The following TAMM41 variants were observed in gnomAD, a reference collection of about 807,000 sequenced individuals.
TAMM41 encodes the protein TAM41 mitochondrial translocator assembly and maintenance homolog, also known as phosphatidate cytidylyltransferase, mitochondrial.
TAMM41 carries 36 observed loss-of-function variants against 44.1 expected under a neutral mutation model. That is an observed-to-expected ratio of 0.82 (90% CI 0.63 to 1.08). The LOEUF is 1.08. Among genes scored for constraint, TAMM41 ranks in the 50% least tolerant of loss-of-function variants. TAMM41 has a pLI of 0.00. For missense variants in TAMM41, 417 were observed against 404.3 expected (o/e 1.03, Z -0.27); for synonymous variants, 164 against 153.1 (o/e 1.07, Z -0.53).
chr3:11,799,845 A>G (rs1205047194), intron 7 of TAMM41, among the ~76,000 whole-genome samples: 1 of 152,186 alleles, frequency 6.6e-6, no homozygotes, highest in Non-Finnish European at 1.5e-5. Context: ...AAGCAAGAGA[A>G]AAGCATCTAG....
At chr3:11,803,262 C>T (rs184323157) in intron 7 of TAMM41, among the ~76,000 whole-genome samples, 5 of 151,980 alleles carry the variant, frequency 3.3e-5, no homozygotes, top group African/African-American at 1.2e-4. Context: ...ACAGAGATTC[C>T]GTCTCCAGCT....
At chr3:11,809,363 T>C (rs1354693460) in intron 6 of TAMM41, 154 bp downstream of exon 6, 3 of 817,494 alleles carry the variant, frequency 3.7e-6, no homozygotes, top group African/African-American at 1.8e-5. Flanking sequence ...AATGCAGATT[T>C]AGAAAACCCT....
chr3:11,746,207 A>G, the TAMM41 span, among the ~76,000 whole-genome samples: 2 of 151,386 alleles, frequency 1.3e-5, no homozygotes, highest in African/African-American at 4.9e-5. Context: ...AGGCTGAGGC[A>G]GGAGGAGAAT....
downstream of TAMM41, among the ~76,000 whole-genome samples, chr3:11,788,367 T>C (rs545237019): frequency 6.0e-4 from 91 of 152,284 alleles, no homozygotes; most frequent in South Asian, 0.019. Flanking sequence ...CAATCACAGA[T>C]CACTGCAGCC....
At chr3:11,834,871 A>T (rs1392529559) in intron 3 of TAMM41, among the ~76,000 whole-genome samples, 1 of 152,122 alleles carries the variant, frequency 6.6e-6, no homozygotes, top group African/African-American at 2.4e-5. Context: ...ATTTTTTAGT[A>T]GAGACGGGGT....
At chr3:11,742,061 G>A in the TAMM41 span, among the ~76,000 whole-genome samples, 1 of 150,198 alleles carries the variant, frequency 6.7e-6, no homozygotes, top group Non-Finnish European at 1.5e-5. Context: ...AAATAAGGGG[G>A]TCTACCGTAT....
chr3:11,767,437 T>C, the TAMM41 span, among the ~76,000 whole-genome samples: 1 of 152,116 alleles, frequency 6.6e-6, no homozygotes, highest in Admixed American at 6.5e-5. Flanking sequence ...TGGATATTGC[T>C]GCATGAGTTT....
the TAMM41 span, among the ~76,000 whole-genome samples, chr3:11,730,678 G>A: frequency 6.6e-6 from 1 of 152,186 alleles, no homozygotes; most frequent in East Asian, 1.9e-4. Flanking sequence ...AGGTTGCAGT[G>A]AGCTGAGATC....
At chr3:11,753,990 C>T in the TAMM41 span, among the ~76,000 whole-genome samples, 1 of 152,144 alleles carries the variant, frequency 6.6e-6, no homozygotes, top group African/African-American at 2.4e-5. Flanking sequence ...GTGTTCTCCT[C>T]ACATCCCTGT....
chr3:11,801,098 GAA>G (rs34203222), intron 7 of TAMM41, among the ~76,000 whole-genome samples: 1 of 123,194 alleles, frequency 8.1e-6, no homozygotes, highest in Non-Finnish European at 1.8e-5. Flanking sequence ...TCTCAAGAAA[GAA>G]AAAAAAAAAA....
At chr3:11,725,158 T>C in the TAMM41 span, among the ~76,000 whole-genome samples, 1 of 136,204 alleles carries the variant, frequency 7.3e-6, no homozygotes, top group Non-Finnish European at 1.6e-5. Context: ...TCCTTCCTCT[T>C]CTCCTCCCTC....
At chr3:11,730,720 T>A in the TAMM41 span, among the ~76,000 whole-genome samples, 1 of 151,914 alleles carries the variant, frequency 6.6e-6, no homozygotes, top group Non-Finnish European at 1.5e-5. Flanking sequence ...GGCGACAGTG[T>A]GAGACTACAT....
chr3:11,775,025 G>A, the TAMM41 span, among the ~76,000 whole-genome samples: 2 of 151,672 alleles, frequency 1.3e-5, no homozygotes, highest in Admixed American at 6.6e-5. Context: ...GGCTGCCACC[G>A]TGCCCGGCTA....
chr3:11,807,144 G>A (rs1470506069), intron 7 of TAMM41: 14 of 1,233,996 alleles, frequency 1.1e-5, no homozygotes, highest in African/African-American at 1.5e-5. Flanking sequence ...CAGTAAATGG[G>A]GGACCCCCTA....
chr3:11,787,527 T>G (rs991290204), downstream of TAMM41, among the ~76,000 whole-genome samples: 3 of 152,316 alleles, frequency 2.0e-5, no homozygotes, highest in East Asian at 3.9e-4. Flanking sequence ...ATTAAATTCC[T>G]TCTATTTGAT....
chr3:11,768,971 T>C, the TAMM41 span, among the ~76,000 whole-genome samples: 1 of 152,196 alleles, frequency 6.6e-6, no homozygotes, highest in African/African-American at 2.4e-5. Flanking sequence ...AGAAGGACAT[T>C]CTAGCCATCA....
At chr3:11,798,840 G>A (rs1473395473) in intron 7 of TAMM41, among the ~76,000 whole-genome samples, 1 of 152,256 alleles carries the variant, frequency 6.6e-6, no homozygotes, top group East Asian at 1.9e-4. Context: ...TTGTTTTAAA[G>A]AGAGGTCAGG....
In TAMM41 at chr3:11,846,672, G is replaced by T; in HGVS notation, c.-36C>A. 1 of 1,613,538 alleles carries T rather than the reference G, an allele frequency of 6.2e-7. No individual in the cohort carries two copies. Among genetic ancestry groups the T allele is most frequent in the Non-Finnish European group, 8.5e-7 (1 of 1,179,646 alleles). The stretch of plus-strand genomic sequence containing the variant: ...CTAACAGGGGACACTCAGCGCAGCA[G>T]GGCGAGGACAACCGGGCGGGGAACA... On this transcript the variant is annotated 5_prime_UTR_variant, in exon 1 of 8. It adds an upstream start codon to the 5' untranslated region. Transcript: ENST00000455809.
At chr3:11,809,815 A>AG (rs1336430583) in intron 5 of TAMM41, 133 bp from the exon 6 acceptor site, 11 of 836,694 alleles carry the variant, frequency 1.3e-5, no homozygotes, top group Non-Finnish European at 1.8e-5. Flanking sequence ...CAGCAAGCTA[A>AG]GGAAACTCTC....
Sources: gnomAD v4.1 joint callset for allele counts (sites outside exome capture counted in the v4.1 genomes callset) on GRCh38, gnomAD v4.1.1 for gene constraint, MANE v1.5 for transcripts, NCBI Gene and HGNC (gene_info 2026-07-23, HGNC 2026-07-21) for gene names.